The following PLCE1 variants were observed in gnomAD, a reference collection of about 807,000 sequenced individuals.
The protein encoded by PLCE1 is 1-phosphatidylinositol 4,5-bisphosphate phosphodiesterase epsilon-1.
Under a neutral mutation model 242.8 loss-of-function variants are expected in PLCE1, and 119 were observed. That is an observed-to-expected ratio of 0.49 (90% CI 0.42 to 0.57). The LOEUF (loss-of-function observed/expected upper bound fraction) is 0.57, where lower values mean the gene tolerates loss of function less well. Ranked by LOEUF, PLCE1 falls within the 20% of genes least tolerant of loss-of-function variation. The pLI is 0.00. For synonymous variants in PLCE1, 945 were observed against 1,017.4 expected (o/e 0.93, Z 1.35); for missense variants, 2,441 against 2,788.8 (o/e 0.88, Z 2.81).
chr10:94,156,816 C>T (rs1173730410), intron 3 of PLCE1, among the ~76,000 whole-genome samples: 1 of 152,094 alleles, frequency 6.6e-6, no homozygotes, highest in African/African-American at 2.4e-5. Context: ...GAACAAAAGA[C>T]ACTCCTATCA....
chr10:94,309,990 C>T (rs2133692474), intron 27 of PLCE1, among the ~76,000 whole-genome samples: 1 of 152,328 alleles, frequency 6.6e-6, no homozygotes, highest in East Asian at 1.9e-4. Flanking sequence ...CACACCACTG[C>T]ACTCCAGCAT....
intron 1 of PLCE1, among the ~76,000 whole-genome samples, chr10:94,014,591 TCA>T (rs1287303194): frequency 1.3e-5 from 2 of 152,210 alleles, no homozygotes; most frequent in African/African-American, 2.4e-5. Context: ...ATTGCCTCTC[TCA>T]CAAGATTTTT....
chr10:94,206,897 C>A lies in PLCE1; in HGVS notation c.1810-20409C>A, dbSNP rs558976306. Among the ~76,000 whole-genome samples the A allele has an allele frequency of 6.6e-5, 10 of 152,314 alleles. No individual in the cohort carries two copies. In the South Asian group the frequency reaches 1.2e-3, roughly 19 times the overall value. ...AATAAGAGACCTCTAAAGTTCTTTACAACTTTAAAGTACAGCTGTCACATA... is the reference window on the plus strand; with the variant it reads ...AATAAGAGACCTCTAAAGTTCTTTAAAACTTTAAAGTACAGCTGTCACATA... On this transcript the variant is annotated intron_variant, in intron 4 of 32. Transcript: ENST00000371380.
At chr10:94,113,976 C>T (rs537741454) in intron 2 of PLCE1, among the ~76,000 whole-genome samples, 31 of 152,280 alleles carry the variant, frequency 2.0e-4, no homozygotes, top group African/African-American at 6.7e-4. Context: ...TCTAAATGCA[C>T]AGATACATGC....
intron 1 of PLCE1, among the ~76,000 whole-genome samples, chr10:94,024,326 C>T (rs1352933622): frequency 6.6e-6 from 1 of 152,118 alleles, no homozygotes; most frequent in Non-Finnish European, 1.5e-5. Context: ...CCAGTTTTGG[C>T]AGTTACTTTA....
rs575450086 is a variant in PLCE1 at position 94,245,611 on chromosome 10, C to G, written c.2421-335C>G. ...AAGCAATTCTCCTGCCTCAGCCTCT[C>G]AAGTAGCTGGGACTACAGGCATATG... On this transcript the variant is annotated intron_variant, in intron 7 of 32. Coordinates refer to ENST00000371380, the MANE Select transcript of PLCE1 (RefSeq NM_016341.4). Among the ~76,000 whole-genome samples the G allele has an allele frequency of 5.3e-5, 8 of 152,272 alleles. No individual in the cohort carries two copies. The East Asian group carries it at 1.4e-3, about 26-fold the overall frequency.
In PLCE1 at chr10:94,032,051, A is replaced by G; in HGVS notation, c.1005A>G (p.Glu335=). The G allele has an allele frequency of 6.2e-7, 1 of 1,613,378 alleles. No individual in the cohort carries two copies. The highest frequency in any genetic ancestry group is 8.5e-7 in the Non-Finnish European group (1 of 1,179,684). The change falls in exon 2 of 33, where the codon GAA becomes GAG. Residue 335 remains glutamate, a synonymous_variant. Transcript: ENST00000371380. ...LVRRFCKNDR[E]VKKSVYTGTR... The stretch of plus-strand genomic sequence containing the variant: ...GGAGATTCTGTAAAAATGACAGAGA[A>G]GTTAAGAAATCTGTGTATACTGGAA...
intron 6 of PLCE1, 114 bp from the exon 7 acceptor site, chr10:94,235,801 C>T (rs1430014776): frequency 3.6e-5 from 52 of 1,447,084 alleles, no homozygotes; most frequent in Non-Finnish European, 4.8e-5. Context: ...TTTTCTTTCC[C>T]ATAAAATAGG....
At chr10:94,113,977 A>T (rs2135680332) in intron 2 of PLCE1, among the ~76,000 whole-genome samples, 1 of 152,350 alleles carries the variant, frequency 6.6e-6, no homozygotes, top group South Asian at 2.1e-4. Context: ...CTAAATGCAC[A>T]GATACATGCA....
rs566139040 is a variant in PLCE1, at chr10:94,029,651, G to A, written c.-364-1032G>A. Among the ~76,000 whole-genome samples, 26 of 152,194 alleles carry A rather than the reference G, an allele frequency of 1.7e-4. No individual in the cohort carries two copies. The South Asian group carries it at 5.4e-3, about 32-fold the overall frequency. On this transcript the variant is annotated intron_variant, in intron 1 of 32. Coordinates refer to ENST00000371380, the MANE Select transcript of PLCE1 (RefSeq NM_016341.4). The stretch of plus-strand genomic sequence containing the variant: ...AGTTGTAGAGACATGAATATACTGG[G>A]AGCCTCTCACCCTTGAGGCTGTGTT...
At chr10:94,308,728 T>A (rs1158003430) in intron 27 of PLCE1, 29 bp downstream of exon 27, 3 of 1,379,400 alleles carry the variant, frequency 2.2e-6, no homozygotes, top group Non-Finnish European at 3.1e-6. Flanking sequence ...ACTCAACATA[T>A]TTATGGGGAT....
At position 94,321,934 on chromosome 10, in the gene PLCE1, A is replaced by G. The variant is rs1366618328; in HGVS notation, c.6376A>G (p.Lys2126Glu). 4 of 1,613,506 alleles carry G rather than the reference A, an allele frequency of 2.5e-6. No homozygotes were observed. The highest frequency in any genetic ancestry group is 2.7e-5 in the African/African-American group (2 of 74,888). The change falls in exon 30 of 33, where the codon AAA becomes GAA. Residue 2126 changes from lysine to glutamate, a missense_variant. Lys to Glu is a moderately conservative substitution (Grantham distance 56). Coordinates refer to ENST00000371380, the MANE Select transcript of PLCE1 (RefSeq NM_016341.4). Reference protein sequence around the residue: ...LEEKNIVQDDKEVILSSEEES... With the variant: ...LEEKNIVQDDEEVILSSEEES... ...AGAGAAAAACATTGTTCAAGATGACAAAGAGGTGATCTTGAGCTCAGAGGA... is the reference window on the plus strand; with the variant it reads ...AGAGAAAAACATTGTTCAAGATGACGAAGAGGTGATCTTGAGCTCAGAGGA...
At chr10:94,131,519 G>A (rs956468916) in intron 2 of PLCE1, among the ~76,000 whole-genome samples, 19 of 152,132 alleles carry the variant, frequency 1.2e-4, no homozygotes, top group African/African-American at 2.2e-4. Flanking sequence ...TGGTGAATTC[G>A]GGTGATAAAA....
rs2061882208 is a variant in PLCE1 at position 94,046,300 on chromosome 10, C to T, written c.1206+14048C>T. ...CTCCCAGTCTCTCAGGAGGATATTT[C>T]CCGTTGTTCTTTTTCTTTTATTTGT... is the stretch of plus-strand genomic sequence containing the variant. On this transcript the variant is annotated intron_variant, in intron 2 of 32. Transcript: ENST00000371380. Among the ~76,000 whole-genome samples, 4 of 152,268 alleles carry T rather than the reference C, an allele frequency of 2.6e-5. No individual in the cohort carries two copies. The South Asian group carries it at 8.3e-4, about 32-fold the overall frequency.
intron 3 of PLCE1, among the ~76,000 whole-genome samples, chr10:94,144,318 TGTGTGTGTGTGC>T (rs1359213158): frequency 2.0e-5 from 3 of 151,980 alleles, no homozygotes; most frequent in Non-Finnish European, 4.4e-5. Flanking sequence ...TGTGTCTCTG[TGTGTGTGTGTGC>T]ATACATGGAG....
intron 29 of PLCE1, among the ~76,000 whole-genome samples, chr10:94,318,649 G>A (rs113155521): frequency 2.0e-5 from 3 of 152,314 alleles, no homozygotes; most frequent in African/African-American, 7.2e-5. Flanking sequence ...CTTGGGAGGA[G>A]CAGGAGGCAG....
intron 3 of PLCE1, among the ~76,000 whole-genome samples, chr10:94,151,237 T>C (rs751175867): frequency 3.9e-5 from 6 of 152,168 alleles, no homozygotes; most frequent in Non-Finnish European, 5.9e-5. Flanking sequence ...CCTCTAGACT[T>C]TGGCCTGTAG....
At chr10:94,319,433 T>C (rs2053699264) in intron 29 of PLCE1, among the ~76,000 whole-genome samples, 1 of 152,194 alleles carries the variant, frequency 6.6e-6, no homozygotes, top group African/African-American at 2.4e-5. Flanking sequence ...ATAAGACATA[T>C]AAGCAGTTTG....
intron 4 of PLCE1, among the ~76,000 whole-genome samples, chr10:94,190,359 A>C (rs1028618899): frequency 1.3e-5 from 2 of 152,204 alleles, no homozygotes; most frequent in Middle Eastern, 3.2e-3. Context: ...CTGTAATTTC[A>C]GTGCTTTGGG....
Sources: gnomAD v4.1 joint callset for allele counts (sites outside exome capture counted in the v4.1 genomes callset) on GRCh38, gnomAD v4.1.1 for gene constraint, MANE v1.5 for transcripts, NCBI Gene and HGNC (gene_info 2026-07-23, HGNC 2026-07-21) for gene names.